NEK10: variants seen among roughly 807,000 people sequenced by gnomAD.
The protein encoded by NEK10 is NIMA related kinase 10.
Under a neutral mutation model 159.8 loss-of-function variants are expected in NEK10, and 122 were observed. The observed-to-expected ratio is 0.76, with a 90% CI of 0.66 to 0.89. NEK10 has a LOEUF of 0.89. NEK10 is among the 40% of genes least tolerant of loss of function. The pLI is 0.00. For missense variants in NEK10, 1,342 were observed against 1,323.1 expected (o/e 1.01, Z -0.22); for synonymous variants, 466 against 457.1 (o/e 1.02, Z -0.25).
intron 23 of NEK10, among the ~76,000 whole-genome samples, chr3:27,212,683 T>C (rs930388007): frequency 1.3e-5 from 2 of 152,356 alleles, no homozygotes; most frequent in Non-Finnish European, 1.5e-5. Flanking sequence ...AGTAGTTATT[T>C]CCGGGAAGTA....
chr3:27,118,635 C>A (rs980024514), intron 33 of NEK10, among the ~76,000 whole-genome samples: 2 of 152,198 alleles, frequency 1.3e-5, no homozygotes, highest in Non-Finnish European at 2.9e-5. Context: ...TTTGTCAACT[C>A]ACCCTCAGGT....
chr3:27,232,475 A>G (rs1305250369), intron 23 of NEK10, among the ~76,000 whole-genome samples: 1 of 152,086 alleles, frequency 6.6e-6, no homozygotes, highest in Non-Finnish European at 1.5e-5. Context: ...TATTAAGAAA[A>G]TGACCATACT....
At chr3:27,163,491 A>AC (rs1387570737) in intron 29 of NEK10, among the ~76,000 whole-genome samples, 1 of 152,034 alleles carries the variant, frequency 6.6e-6, no homozygotes, top group African/African-American at 2.4e-5. Flanking sequence ...AGCTGGGACT[A>AC]CAGGTGCCCG....
At position 27,174,506 on chromosome 3, in the gene NEK10, A is replaced by G; in HGVS notation, c.2709T>C (p.Asp903=). The G allele has an allele frequency of 6.2e-7, 1 of 1,612,236 alleles. No individual in the cohort carries two copies. Reference sequence around the variant, plus strand: ...AGTTATCCGAAATGTCCAATTCATCATCTACCTCTGAATATGTATCTGCAC... The same window carrying G: ...AGTTATCCGAAATGTCCAATTCATCGTCTACCTCTGAATATGTATCTGCAC... ...NAEKDTYSEV[D]DELDISDNSS... Residue 903 remains aspartate, a synonymous_variant, in exon 28 of 36, where the codon GAT becomes GAC. Coordinates refer to ENST00000691995, the MANE Select transcript of NEK10 (RefSeq NM_001394966.1).
At chr3:27,172,330 T>C (rs1947074815) in intron 28 of NEK10, among the ~76,000 whole-genome samples, 1 of 56,042 alleles carries the variant, frequency 1.8e-5, no homozygotes, top group Admixed American at 2.8e-4. Context: ...CGAGACCCCG[T>C]CTCAAAAAAA....
intron 23 of NEK10, among the ~76,000 whole-genome samples, chr3:27,237,635 T>G (rs528389559): frequency 4.9e-4 from 75 of 152,108 alleles, no homozygotes; most frequent in African/African-American, 1.8e-3. Flanking sequence ...TATAATGGAT[T>G]TTGGGAACTC....
intron 29 of NEK10, among the ~76,000 whole-genome samples, chr3:27,170,842 C>T (rs773862538): frequency 6.6e-6 from 1 of 152,116 alleles, no homozygotes. Flanking sequence ...ACAAAGAAGG[C>T]GTTGCCACTC....
intron 23 of NEK10, chr3:27,215,860 C>A: frequency 1.4e-6 from 1 of 716,634 alleles, no homozygotes; most frequent in East Asian, 2.7e-5. Context: ...AGCAGGAGAG[C>A]GAAGGTAGAG....
chr3:27,117,066 G>A (rs1940561857), intron 33 of NEK10, among the ~76,000 whole-genome samples: 1 of 152,098 alleles, frequency 6.6e-6, no homozygotes, highest in African/African-American at 2.4e-5. Context: ...TTATAAATGA[G>A]GACATTTGTT....
intron 1 of NEK10, among the ~76,000 whole-genome samples, chr3:27,368,578 T>A (rs1209365898): frequency 1.3e-5 from 2 of 152,140 alleles, no homozygotes; most frequent in Admixed American, 1.3e-4. Flanking sequence ...GTCTAGAGTG[T>A]AGTTTTTGAA....
chr3:27,183,384 T>C (rs1219220473), intron 26 of NEK10, among the ~76,000 whole-genome samples: 2 of 146,228 alleles, frequency 1.4e-5, no homozygotes, highest in Non-Finnish European at 3.0e-5. Flanking sequence ...AAAAACTGGA[T>C]ACCCAAATGA....
chr3:27,271,363 C>T (rs1471056993), intron 22 of NEK10, among the ~76,000 whole-genome samples: 1 of 141,500 alleles, frequency 7.1e-6, no homozygotes, highest in African/African-American at 2.6e-5. Context: ...TAAGCAATCA[C>T]TATACAGAAA....
Position 27,286,050 on chromosome 3 carries a change from T to C in NEK10, c.1790-1089A>G, listed in dbSNP as rs1265649763. 5.3e-5 allele frequency among the ~76,000 whole-genome samples: 8 copies of C among 151,342 alleles called. No individual in the cohort carries two copies. The South Asian group carries it at 1.2e-3, about 24-fold the overall frequency. ...CAATTTCCTAATCTATTTTATCATA[T>C]TTTATGTATTTTTAAGCCATTTCCA... On this transcript the variant is annotated intron_variant, in intron 20 of 35. Transcript: ENST00000691995.
chr3:27,265,659 G>T (rs2040826031), intron 22 of NEK10: 1 of 152,108 alleles, frequency 6.6e-6, no homozygotes, highest in African/African-American at 2.4e-5. Flanking sequence ...TCCAATTTTA[G>T]TATACATGCT....
intron 30 of NEK10, among the ~76,000 whole-genome samples, chr3:27,158,897 T>C (rs184582857): frequency 4.6e-5 from 7 of 152,332 alleles, no homozygotes; most frequent in Admixed American, 4.6e-4. Context: ...TTCACAAATA[T>C]ATATCATTTC....
At chr3:27,117,887 T>C (rs1268245795) in intron 33 of NEK10, among the ~76,000 whole-genome samples, 1 of 152,208 alleles carries the variant, frequency 6.6e-6, no homozygotes, top group Non-Finnish European at 1.5e-5. Flanking sequence ...CATGAAATCT[T>C]TGCCCAGGCC....
chr3:27,291,636 C>A, intron 16 of NEK10, 50 bp from the exon 17 acceptor site: 2 of 1,024,730 alleles, frequency 2.0e-6, no homozygotes, highest in Admixed American at 1.8e-5. Context: ...CACAGTTGAT[C>A]ATTACTTCCC....
intron 23 of NEK10, among the ~76,000 whole-genome samples, chr3:27,228,672 G>C (rs1264024508): frequency 6.6e-6 from 1 of 152,124 alleles, no homozygotes; most frequent in African/African-American, 2.4e-5. Context: ...GAACAATTTA[G>C]AATGATTGTA....
chr3:27,316,686 G>A (rs1452064160), intron 6 of NEK10, among the ~76,000 whole-genome samples: 1 of 151,926 alleles, frequency 6.6e-6, no homozygotes, highest in African/African-American at 2.4e-5. Flanking sequence ...CAATAATTTT[G>A]ATGATATGGG....
Sources: allele counts gnomAD v4.1 joint callset (sites outside exome capture counted in the v4.1 genomes callset), GRCh38; gene constraint gnomAD v4.1.1; transcripts MANE v1.5; gene names NCBI Gene and HGNC (gene_info 2026-07-23, HGNC 2026-07-21).